Variants in ACAP3 observed in about 807,000 individuals in gnomAD.
The protein encoded by ACAP3 is arf-GAP with coiled-coil, ANK repeat and PH domain-containing protein 3.
ACAP3 carries 56 observed loss-of-function variants against 104.1 expected under a neutral mutation model. The ratio of observed to expected loss-of-function variants is 0.54; its 90% CI spans 0.43 to 0.67. ACAP3 has a LOEUF of 0.67. ACAP3 is among the 30% of genes least tolerant of loss of function. ACAP3 has a pLI of 0.00. For synonymous variants in ACAP3, 628 were observed against 496.2 expected, an observed-to-expected ratio of 1.27 and a Z score of -3.53; for missense variants, 1,208 against 1,174.9, an observed-to-expected ratio of 1.03 and a Z score of -0.41.
chr1:1,304,046 A>G (rs1557610260), intron 2 of ACAP3, 40 bp downstream of exon 2: 2 of 1,549,902 alleles, frequency 1.3e-6, no homozygotes, highest in Admixed American at 2.0e-5. Flanking sequence ...GGCCATCCCA[A>G]GCTTGGCCGG....
intron 22 of ACAP3, 62 bp from the exon 23 acceptor site, chr1:1,293,995 G>A: frequency 6.8e-7 from 1 of 1,471,152 alleles, no homozygotes; most frequent in South Asian, 1.3e-5. Flanking sequence ...TGTGGTCGCG[G>A]GGGCGTGGCC....
chr1:1,301,640 C>T (rs1468977710), intron 5 of ACAP3: 1 of 201,522 alleles, frequency 5.0e-6, no homozygotes, highest in Non-Finnish European at 9.9e-6. Context: ...CCTGCCCGCA[C>T]CCCTGCTGAC....
intron 3 of ACAP3, 24 bp from the exon 4 acceptor site, chr1:1,302,999 T>C: frequency 1.9e-6 from 3 of 1,603,406 alleles, no homozygotes; most frequent in Non-Finnish European, 1.7e-6. Context: ...TGGGAACCCG[T>C]GCTGAGATGG....
At position 1,294,554 on chromosome 1, in the gene ACAP3, C is replaced by T. The variant is rs757910950; in HGVS notation, c.1987G>A (p.Val663Met). ...AAGAGCCCCGGGTGCAGCTCGCGCA[C>T]GTCCGCCAGGCCCCAGGCCTCGGCC... ...TEAEAWGLADVRELHPGLLAH... is the reference protein window; with the variant it reads ...TEAEAWGLADMRELHPGLLAH... The change falls in exon 21 of 24, where the codon GTG becomes ATG. Residue 663 changes from valine (V) to methionine (M), a missense_variant. Physicochemically the swap from Val to Met is conservative, Grantham distance 21. Transcript: ENST00000354700. 4.1e-5 allele frequency: 62 copies of T among 1,501,504 alleles called. 1 individual carries two copies. In the South Asian group the frequency reaches 7.1e-4, roughly 17 times the overall value. 93.0% of individuals were successfully genotyped at this position (1,501,504 alleles called of 1,614,324 possible).
At position 1,301,256 on chromosome 1, in the gene ACAP3, G is replaced by A. The variant is rs1266434470; in HGVS notation, c.339-564C>T. 5.3e-5 allele frequency among the ~76,000 whole-genome samples: 7 copies of A among 132,996 alleles called. No individual in the cohort carries two copies. The East Asian group carries it at 1.2e-3, about 22-fold the overall frequency. The allele number at this position is 132,996 out of a possible 152,430, so 87.3% of individuals were successfully genotyped here. On this transcript the variant is annotated intron_variant, in intron 5 of 23. Coordinates refer to ENST00000354700, the MANE Select transcript of ACAP3 (RefSeq NM_030649.3). ...AGGCTTATTTTTGGTTCTTGGGGGT[G>A]TCTTTTTTTTTTTTTTTTTTTTTGA...
In ACAP3 at chr1:1,307,916, C is replaced by G. The variant is rs1641817342; in HGVS notation, c.-101G>C. 2 of 647,798 alleles carry G rather than the reference C, an allele frequency of 3.1e-6. No individual in the cohort carries two copies. Among genetic ancestry groups the G allele is most frequent in the Non-Finnish European group, 3.8e-6 (2 of 523,796 alleles). 40.1% of individuals were successfully genotyped at this position (647,798 alleles called of 1,614,324 possible). On this transcript the variant is annotated 5_prime_UTR_variant, in exon 1 of 24. Coordinates refer to ENST00000354700, the MANE Select transcript of ACAP3 (RefSeq NM_030649.3). ...GTCCCGCCCGCGCCGCCTCGGCGCC[C>G]GCCCGCCCCGGAATGAGGCCGCCGC...
rs1382270997 is a variant in ACAP3 at position 1,302,908 on chromosome 1, G to A, written c.279+14C>T. ...CCAGGCACAGCCCACAGGTGGCAGG[G>A]AGGCCGCGCTCACCATGTGGTAGTT... On this transcript the variant is annotated intron_variant, in intron 4 of 23. Transcript: ENST00000354700. 13 of 1,610,760 alleles carry A rather than the reference G, an allele frequency of 8.1e-6. No homozygotes were observed. Among genetic ancestry groups the A allele is most frequent in the Non-Finnish European group, 1.1e-5 (13 of 1,179,260 alleles).
In ACAP3 at chr1:1,307,878, G is replaced by A; in HGVS notation, c.-63C>T. The A allele has an allele frequency of 6.4e-6, 6 of 935,818 alleles. No individual in the cohort carries two copies. Among genetic ancestry groups the A allele is most frequent in the Non-Finnish European group, 7.7e-6 (6 of 783,764 alleles). The allele number at this position is 935,818 out of a possible 1,614,324, so 58.0% of individuals were successfully genotyped here. On this transcript the variant is annotated 5_prime_UTR_variant, in exon 1 of 24. Coordinates refer to ENST00000354700, the MANE Select transcript of ACAP3 (RefSeq NM_030649.3). ...GCGGCGCCGAGCGGCAGCCGCGCCG[G>A]CCCGGACCGCTCGTCCCGCCCGCGC...
Position 1,307,266 on chromosome 1 carries a change from C to T in ACAP3, c.47+503G>A, listed in dbSNP as rs1421291888. ...CTACCCCCTACCTGACCTTCCCCGC[C>T]GCTCTTCTCGGCCGCCACCCCTCCA... On this transcript the variant is annotated intron_variant, in intron 1 of 23. Transcript: ENST00000354700. The T allele has an allele frequency of 1.4e-5, 18 of 1,288,398 alleles. No homozygotes were observed. The African/African-American group carries it at 2.0e-4, about 14-fold the overall frequency. 79.8% of individuals were successfully genotyped at this position (1,288,398 alleles called of 1,614,324 possible). A position where few individuals can be genotyped will look rare whatever the true frequency, so the allele number is the denominator to read the frequency against.
intron 21 of ACAP3, 100 bp from the exon 22 acceptor site, chr1:1,294,299 C>A: frequency 6.6e-7 from 1 of 1,513,094 alleles, no homozygotes; most frequent in Non-Finnish European, 8.9e-7. Context: ...CGGGACCGAA[C>A]GTGGTCCCCA....
chr1:1,299,141 T>C, intron 10 of ACAP3: 1 of 659,462 alleles, frequency 1.5e-6, no homozygotes, highest in Non-Finnish European at 2.6e-6. Flanking sequence ...CCACATGGGA[T>C]GGGAAGGGAC....
In ACAP3 at chr1:1,295,556, T is replaced by C; in HGVS notation, c.1706-2A>G. ...GGAACTTACGATCCAGGGTGCCCAC[T>C]GCAGGGGCAGTGCGTGTTCAGAGTG... On this transcript the variant is annotated splice_acceptor_variant, in intron 18 of 23. Coordinates refer to ENST00000354700, the MANE Select transcript of ACAP3 (RefSeq NM_030649.3). LOFTEE classifies it high-confidence loss of function. 2 of 1,611,790 alleles carry C rather than the reference T, an allele frequency of 1.2e-6. No homozygotes were observed. Among genetic ancestry groups the C allele is most frequent in the Non-Finnish European group, 1.7e-6 (2 of 1,179,248 alleles).
chr1:1,293,669 GGCCTCGCGCATTTCCTCC>G lies in ACAP3; in HGVS notation c.2382_2399del (p.Glu796_Glu801del). 6.9e-7 allele frequency: 1 copy of G among 1,457,104 alleles called. No individual in the cohort carries two copies. Among genetic ancestry groups the G allele is most frequent in the South Asian group, 1.3e-5 (1 of 77,184 alleles). 90.3% of individuals were successfully genotyped at this position (1,457,104 alleles called of 1,614,324 possible). ...CGCCCGGGGGACCAGGGGCAGCCTC[GGCCTCGCGCATTTCCTCC>G]GCCATGCGCGCCAGACGGAGCCTAC... is the stretch of plus-strand genomic sequence containing the variant. On this transcript the variant is annotated inframe_deletion, in exon 24 of 24. Coordinates refer to ENST00000354700, the MANE Select transcript of ACAP3 (RefSeq NM_030649.3).
chr1:1,301,725 C>G (rs1044991815), intron 5 of ACAP3: 3 of 350,970 alleles, frequency 8.5e-6, no homozygotes, highest in African/African-American at 6.3e-5. Flanking sequence ...AGACCCCAGC[C>G]ATGCCCCAGA....
intron 1 of ACAP3, chr1:1,307,363 G>C: frequency 4.7e-6 from 6 of 1,290,044 alleles, no homozygotes; most frequent in Non-Finnish European, 6.1e-6. Context: ...GGCTCCAGCT[G>C]CCTGTTCCCC....
In ACAP3 at chr1:1,303,129, C is replaced by T; in HGVS notation, c.225+33G>A. 6.3e-7 allele frequency: 1 copy of T among 1,574,876 alleles called. No homozygotes were observed. Among genetic ancestry groups the T allele is most frequent in the Non-Finnish European group, 8.6e-7 (1 of 1,160,742 alleles). On this transcript the variant is annotated intron_variant, in intron 3 of 23. Coordinates refer to ENST00000354700, the MANE Select transcript of ACAP3 (RefSeq NM_030649.3). The surrounding 1 kb of genome is among the most constrained non-coding windows in gnomAD (Gnocchi z 4.0). ...CCTCCCTCGGCCTCTCCCCCAACCC[C>T]ACCTTGAGGTCAGAGGTCAGTCGGC...
chr1:1,303,964 C>T lies in ACAP3; in HGVS notation c.105+122G>A. ...AAGACACAGGGACCAGGACCTGGAG[C>T]ACCACACGCATGCTCCACATATGGG... On this transcript the variant is annotated intron_variant, in intron 2 of 23. Transcript: ENST00000354700. The surrounding 1 kb of genome is among the most constrained non-coding windows in gnomAD (Gnocchi z 4.0). 2 of 1,191,192 alleles carry T rather than the reference C, an allele frequency of 1.7e-6. No individual in the cohort carries two copies. The highest frequency in any genetic ancestry group is 2.6e-5 in the East Asian group (1 of 39,108). The allele number at this position is 1,191,192 out of a possible 1,614,324, so 73.8% of individuals were successfully genotyped here.
chr1:1,298,770 T>C, intron 10 of ACAP3, 91 bp from the exon 11 acceptor site: 1 of 964,920 alleles, frequency 1.0e-6, no homozygotes, highest in Non-Finnish European at 1.6e-6. Context: ...GGTGAGGTCC[T>C]TGTCTGAGGC....
In ACAP3 at chr1:1,293,517, C is replaced by T. The variant is rs1448535733; in HGVS notation, c.*47G>A. 3 of 1,391,030 alleles carry T rather than the reference C, an allele frequency of 2.2e-6. No individual in the cohort carries two copies. Among genetic ancestry groups the T allele is most frequent in the Non-Finnish European group, 1.8e-6 (2 of 1,082,038 alleles). 86.2% of individuals were successfully genotyped at this position (1,391,030 alleles called of 1,614,324 possible). On this transcript the variant is annotated 3_prime_UTR_variant, in exon 24 of 24. Transcript: ENST00000354700. ...TGGGCGCCAGGGACTTCGGGGCATGCGGGGCGTCGGGCCGGGCGGGGTGGC... is the reference window on the plus strand; with the variant it reads ...TGGGCGCCAGGGACTTCGGGGCATGTGGGGCGTCGGGCCGGGCGGGGTGGC...
Sources: gnomAD v4.1 joint callset for allele counts (sites outside exome capture counted in the v4.1 genomes callset) on GRCh38, gnomAD v4.1.1 for gene constraint, Gnocchi (gnomAD v3.1) non-coding constraint, MANE v1.5 for transcripts, NCBI Gene and HGNC (gene_info 2026-07-23, HGNC 2026-07-21) for gene names.